Variants in ASB18 observed in about 807,000 individuals in gnomAD.
ASB18 encodes the protein ankyrin repeat and SOCS box protein 18.
ASB18 carries 33 observed loss-of-function variants against 33.4 expected under a neutral mutation model. The observed-to-expected ratio is 0.99, with a 90% CI of 0.75 to 1.32. The LOEUF is 1.32. ASB18 is among the 40% of genes most tolerant of loss of function. The probability of loss-of-function intolerance (pLI) is 0.00; values close to 1 mark genes in which losing one functional copy is unlikely to be tolerated. For missense variants in ASB18, 694 were observed against 655.5 expected (o/e 1.06, Z -0.64); for synonymous variants, 295 against 307.6 (o/e 0.96, Z 0.43).
At chr2:236,240,389 C>A (rs2060615977) in intron 2 of ASB18, among the ~76,000 whole-genome samples, 2 of 152,228 alleles carry the variant, frequency 1.3e-5, no homozygotes, top group African/African-American at 4.8e-5. Flanking sequence ...TGGAAGCCAA[C>A]CTTCCGCATT....
chr2:236,255,812 C>T lies in ASB18; in HGVS notation c.205+8329G>A, dbSNP rs2060689419. ...TCCTCTCTTCTCTGATTTACACACC[C>T]AAGTCCAAGTTGTGTCCCACTTCCC... On this transcript the variant is annotated intron_variant, in intron 1 of 5. Transcript: ENST00000409749. The surrounding 1 kb of genome is among the most constrained non-coding windows in gnomAD (Gnocchi z 4.4). Among the ~76,000 whole-genome samples the T allele has an allele frequency of 6.6e-6, 1 of 152,108 alleles. No homozygotes were observed. Among genetic ancestry groups the T allele is most frequent in the Non-Finnish European group, 1.5e-5 (1 of 68,028 alleles).
rs2060397553 is a variant in ASB18, at chr2:236,200,863, T to G, written c.1102-4478A>C. The stretch of plus-strand genomic sequence containing the variant: ...TTTTTTCAAGAAATCAGCTATTGGA[T>G]TTTGTTGATCAGTTCTCTTTTAAAA... On this transcript the variant is annotated intron_variant, in intron 4 of 5. Coordinates refer to ENST00000409749, the MANE Select transcript of ASB18 (RefSeq NM_212556.4). This position sits in a 1 kb window ranked among gnomAD's most constrained non-coding sequence, Gnocchi z 4.2. 6.6e-6 allele frequency among the ~76,000 whole-genome samples: 1 copy of G among 152,220 alleles called. No homozygotes were observed. The highest frequency in any genetic ancestry group is 6.5e-5 in the Admixed American group (1 of 15,288).
rs939121849 is a variant in ASB18 at position 236,234,855 on chromosome 2, G to C, written c.596+2834C>G. Among the ~76,000 whole-genome samples the C allele has an allele frequency of 1.3e-5, 2 of 152,106 alleles. No individual in the cohort carries two copies. Among genetic ancestry groups the C allele is most frequent in the Non-Finnish European group, 1.5e-5 (1 of 68,008 alleles). On this transcript the variant is annotated intron_variant, in intron 3 of 5. Coordinates refer to ENST00000409749, the MANE Select transcript of ASB18 (RefSeq NM_212556.4). This position sits in a 1 kb window ranked among gnomAD's most constrained non-coding sequence, Gnocchi z 4.1. ...ATGAAATTTCTAGAAGAAAATATAA[G>C]AGAAAATCTGTATGACCTTGGGTTA...
At position 236,251,575 on chromosome 2, in the gene ASB18, C is replaced by T. The variant is rs1260742223; in HGVS notation, c.206-10173G>A. Among the ~76,000 whole-genome samples, 1 of 152,120 alleles carries T rather than the reference C, an allele frequency of 6.6e-6. No individual in the cohort carries two copies. Among genetic ancestry groups the T allele is most frequent in the Non-Finnish European group, 1.5e-5 (1 of 68,028 alleles). On this transcript the variant is annotated intron_variant, in intron 1 of 5. Transcript: ENST00000409749. The surrounding 1 kb of genome is among the most constrained non-coding windows in gnomAD (Gnocchi z 5.3). Reference sequence around the variant, plus strand: ...TTCTAGAAACGAGAAGTTTACCTATCCTGAAGTTGAGAAGGGTGGTCTAGG... The same window carrying T: ...TTCTAGAAACGAGAAGTTTACCTATTCTGAAGTTGAGAAGGGTGGTCTAGG...
rs1270607289 is a variant in ASB18, at chr2:236,194,837, G to C, written c.*35C>G. 1 of 1,578,086 alleles carries C rather than the reference G, an allele frequency of 6.3e-7. No homozygotes were observed. Among genetic ancestry groups the C allele is most frequent in the Admixed American group, 1.7e-5 (1 of 57,416 alleles). On this transcript the variant is annotated 3_prime_UTR_variant, in exon 6 of 6. Transcript: ENST00000409749. The surrounding 1 kb of genome is among the most constrained non-coding windows in gnomAD (Gnocchi z 4.5). ...CACGGCCTCCATGGAAGGTCAGCGA[G>C]GAGAACAACAGTATTGGTTGCAGCG...
Position 236,214,058 on chromosome 2 carries a change from T to A in ASB18, c.1101+304A>T, listed in dbSNP as rs2060470940. 8.1e-6 allele frequency: 3 copies of A among 368,900 alleles called. No individual in the cohort carries two copies. In the East Asian group the frequency reaches 1.5e-4, roughly 19 times the overall value. The allele number at this position is 368,900 out of a possible 1,614,324, so 22.9% of individuals were successfully genotyped here. A position where few individuals can be genotyped will look rare whatever the true frequency, so the allele number is the denominator to read the frequency against. On this transcript the variant is annotated intron_variant, in intron 4 of 5. Transcript: ENST00000409749. The surrounding 1 kb of genome is among the most constrained non-coding windows in gnomAD (Gnocchi z 6.5). ...TGGCGTCCGTCCCCAGGTGACTACT[T>A]TGAAAGGATGCATTCTTCACATGCA...
At chr2:236,243,925 C>T (rs2060633337) in intron 1 of ASB18, among the ~76,000 whole-genome samples, 1 of 152,064 alleles carries the variant, frequency 6.6e-6, no homozygotes, top group Non-Finnish European at 1.5e-5. Flanking sequence ...CTCCAGGGCT[C>T]CAGCGATTCT....
rs2060640862 is a variant in ASB18, at chr2:236,245,524, G to T, written c.206-4122C>A. Among the ~76,000 whole-genome samples, 1 of 152,156 alleles carries T rather than the reference G, an allele frequency of 6.6e-6. No homozygotes were observed. Among genetic ancestry groups the T allele is most frequent in the Non-Finnish European group, 1.5e-5 (1 of 68,032 alleles). On this transcript the variant is annotated intron_variant, in intron 1 of 5. Coordinates refer to ENST00000409749, the MANE Select transcript of ASB18 (RefSeq NM_212556.4). This position sits in a 1 kb window ranked among gnomAD's most constrained non-coding sequence, Gnocchi z 4.7. Reference sequence around the variant, plus strand: ...CCAGATAGTGCCTTCGTCTCTCCAGGTGTCTGTGCAGGCTGTTCCTTCTGC... The same window carrying T: ...CCAGATAGTGCCTTCGTCTCTCCAGTTGTCTGTGCAGGCTGTTCCTTCTGC...
chr2:236,243,126 C>T (rs983588008), intron 1 of ASB18, among the ~76,000 whole-genome samples: 1 of 149,540 alleles, frequency 6.7e-6, no homozygotes, highest in Admixed American at 6.7e-5. Context: ...GTCAGGAGAT[C>T]GAGATCATCC....
In ASB18 at chr2:236,250,342, C is replaced by T. The variant is rs1396246935; in HGVS notation, c.206-8940G>A. The T allele has an allele frequency of 6.6e-6, 1 of 152,244 alleles. No homozygotes were observed. Among genetic ancestry groups the T allele is most frequent in the East Asian group, 1.9e-4 (1 of 5,200 alleles). The allele number at this position is 152,244 out of a possible 1,614,324, so 9.4% of individuals were successfully genotyped here. A position where few individuals can be genotyped will look rare whatever the true frequency, so the allele number is the denominator to read the frequency against. ...AGGTAGAATTTTTGAGGCTGCAGGA[C>T]ACCCTGCCATTTTCTCTTGTTCTTG... On this transcript the variant is annotated intron_variant, in intron 1 of 5. Transcript: ENST00000409749. This position sits in a 1 kb window ranked among gnomAD's most constrained non-coding sequence, Gnocchi z 4.1.
At chr2:236,199,094 CT>C (rs2060387152) in intron 4 of ASB18, among the ~76,000 whole-genome samples, 1 of 151,888 alleles carries the variant, frequency 6.6e-6, no homozygotes, top group Non-Finnish European at 1.5e-5. Context: ...CATTTTTTGC[CT>C]TTTTCTAACC....
rs1259574077 is a variant in ASB18, at chr2:236,238,917, A to C, written c.329-961T>G. ...CCAGGACCCATGCTGAGCAGCCTTG[A>C]AAGTCCATTCATTAATTACCTACCC... On this transcript the variant is annotated intron_variant, in intron 2 of 5. Transcript: ENST00000409749. The surrounding 1 kb of genome is among the most constrained non-coding windows in gnomAD (Gnocchi z 5.2). Among the ~76,000 whole-genome samples the C allele has an allele frequency of 6.6e-6, 1 of 152,156 alleles. No homozygotes were observed. The highest frequency in any genetic ancestry group is 1.5e-5 in the Non-Finnish European group (1 of 68,026).
rs1332825673 is a variant in ASB18, at chr2:236,208,645, G to T, written c.1101+5717C>A. Among the ~76,000 whole-genome samples, 1 of 151,914 alleles carries T rather than the reference G, an allele frequency of 6.6e-6. No homozygotes were observed. The highest frequency in any genetic ancestry group is 1.5e-5 in the Non-Finnish European group (1 of 67,992). On this transcript the variant is annotated intron_variant, in intron 4 of 5. Transcript: ENST00000409749. The surrounding 1 kb of genome is among the most constrained non-coding windows in gnomAD (Gnocchi z 7.7). ...CCTCCCCCACCGGGTCACAGACTGT[G>T]ACAGAGTCTTATTGCCTGTCTCTGG...
intron 3 of ASB18, among the ~76,000 whole-genome samples, chr2:236,218,971 G>A (rs2060499881): frequency 6.6e-6 from 1 of 151,978 alleles, no homozygotes; most frequent in East Asian, 1.9e-4. Flanking sequence ...CTGGGCTCCA[G>A]CAATCCTCCT....
rs779164046 is a variant in ASB18 at position 236,264,217 on chromosome 2, C to A, written c.129G>T (p.Val43=). ...CATTGGCCAGTTCTATCACAGCGTC[C>A]ACAGGCGTGATTTCAGTGCAGATTA... is the stretch of plus-strand genomic sequence containing the variant. ...RDLICTEITP[V]DAVIELANDD... The change falls in exon 1 of 6, where the codon GTG becomes GTT. Residue 43 remains valine (V), a synonymous_variant. Transcript: ENST00000409749. The surrounding 1 kb of genome is among the most constrained non-coding windows in gnomAD (Gnocchi z 5.1). 1 of 1,613,958 alleles carries A rather than the reference C, an allele frequency of 6.2e-7. No homozygotes were observed. The highest frequency in any genetic ancestry group is 1.7e-5 in the Admixed American group (1 of 60,018).
chr2:236,224,185 GTTTT>G (rs1161648778), intron 3 of ASB18, among the ~76,000 whole-genome samples: 2 of 66,804 alleles, frequency 3.0e-5, no homozygotes, highest in Non-Finnish European at 5.1e-5. Context: ...GTGTTGTCAG[GTTTT>G]TTTTTTTTTT....
In ASB18 at chr2:236,194,007, C is replaced by G. The variant is rs1309151798; in HGVS notation, c.*865G>C. Among the ~76,000 whole-genome samples, 1 of 152,162 alleles carries G rather than the reference C, an allele frequency of 6.6e-6. No homozygotes were observed. Among genetic ancestry groups the G allele is most frequent in the Non-Finnish European group, 1.5e-5 (1 of 68,022 alleles). On this transcript the variant is annotated 3_prime_UTR_variant, in exon 6 of 6. Transcript: ENST00000409749. This position sits in a 1 kb window ranked among gnomAD's most constrained non-coding sequence, Gnocchi z 4.5. Reference sequence around the variant, plus strand: ...CCAGGCCTGGTTCCTGCCCTGCACACTGAGTTGCTGGGGTGGACTCTGGCC... The same window carrying G: ...CCAGGCCTGGTTCCTGCCCTGCACAGTGAGTTGCTGGGGTGGACTCTGGCC...
chr2:236,243,387 G>A (rs1013328887), intron 1 of ASB18, among the ~76,000 whole-genome samples: 2 of 151,342 alleles, frequency 1.3e-5, no homozygotes, highest in African/African-American at 2.4e-5. Context: ...TGTCTTTCTC[G>A]GTTTGAAGAG....
rs1022411762 is a variant in ASB18, at chr2:236,203,472, G to A, written c.1102-7087C>T. ...AAATGAAACAGGAGAGGAAAGCAGG[G>A]AAGACCATGGAGTCCATTATCTGCC... On this transcript the variant is annotated intron_variant, in intron 4 of 5. Coordinates refer to ENST00000409749, the MANE Select transcript of ASB18 (RefSeq NM_212556.4). This position sits in a 1 kb window ranked among gnomAD's most constrained non-coding sequence, Gnocchi z 6.0. 1.6e-4 allele frequency among the ~76,000 whole-genome samples: 25 copies of A among 152,182 alleles called. No homozygotes were observed. Among genetic ancestry groups the A allele is most frequent in the African/African-American group, 5.8e-4 (24 of 41,442 alleles).
Sources: allele counts gnomAD v4.1 joint callset (sites outside exome capture counted in the v4.1 genomes callset), GRCh38; gene constraint gnomAD v4.1.1; non-coding constraint Gnocchi (gnomAD v3.1); transcripts MANE v1.5; gene names NCBI Gene and HGNC (gene_info 2026-07-23, HGNC 2026-07-21).